IPO11: variants seen among roughly 807,000 people sequenced by gnomAD.
IPO11 encodes the protein importin 11.
Under a neutral mutation model 143.2 loss-of-function variants are expected in IPO11, and 66 were observed. The observed-to-expected ratio is 0.46, with a 90% CI of 0.38 to 0.57. The LOEUF (loss-of-function observed/expected upper bound fraction) is 0.57. IPO11 is among the 20% of genes least tolerant of loss of function. The pLI is 0.00. For missense variants in IPO11, 1,026 were observed against 1,141.0 expected, an observed-to-expected ratio of 0.90 and a Z score of 1.45; for synonymous variants, 385 against 377.8, an observed-to-expected ratio of 1.02 and a Z score of -0.22.
chr5:62,547,517 G>C (rs1027762084), intron 24 of IPO11, among the ~76,000 whole-genome samples: 1 of 152,022 alleles, frequency 6.6e-6, no homozygotes, highest in Non-Finnish European at 1.5e-5. Flanking sequence ...TCTTGATTCT[G>C]TCCCATACCC....
intron 27 of IPO11, among the ~76,000 whole-genome samples, chr5:62,573,085 C>T (rs918316992): frequency 1.3e-5 from 2 of 149,282 alleles, no homozygotes; most frequent in Non-Finnish European, 3.0e-5. Context: ...TTCACACTGT[C>T]GCCCAGGCTG....
At chr5:62,471,511 C>G (rs1351324563) in intron 7 of IPO11, among the ~76,000 whole-genome samples, 3 of 152,046 alleles carry the variant, frequency 2.0e-5, no homozygotes, top group Non-Finnish European at 4.4e-5. Flanking sequence ...CATAATCTTA[C>G]TCTTCAGAGA....
chr5:62,553,051 A>T (rs1743443711), intron 26 of IPO11, among the ~76,000 whole-genome samples: 1 of 152,162 alleles, frequency 6.6e-6, no homozygotes, highest in Non-Finnish European at 1.5e-5. Flanking sequence ...ACTAGAACTT[A>T]TTCCTCCTAT....
chr5:62,568,445 A>C (rs1040325969), intron 27 of IPO11, among the ~76,000 whole-genome samples: 5 of 151,338 alleles, frequency 3.3e-5, no homozygotes, highest in Admixed American at 1.3e-4. Flanking sequence ...GTGGTGGTGC[A>C]CACCTGTAAT....
rs1746046603 is a variant in IPO11 at position 62,614,344 on chromosome 5, GAGGA to G, written c.2763+12501_2763+12504del. On this transcript the variant is annotated intron_variant, in intron 29 of 29. Coordinates refer to ENST00000325324, the MANE Select transcript of IPO11 (RefSeq NM_016338.5). ...GTAACTTTTACATACAGACAAAGAG[GAGGA>G]AGGATCTTTGTTTAATAGTGGTTCT... is the stretch of plus-strand genomic sequence containing the variant. Among the ~76,000 whole-genome samples, 3 of 152,236 alleles carry G rather than the reference GAGGA, an allele frequency of 2.0e-5. No homozygotes were observed. The South Asian group carries it at 6.2e-4, about 31-fold the overall frequency.
At chr5:62,485,775 A>G (rs1356121522) in intron 12 of IPO11, among the ~76,000 whole-genome samples, 1 of 151,650 alleles carries the variant, frequency 6.6e-6, no homozygotes, top group Non-Finnish European at 1.5e-5. Context: ...GTTTGAGCCC[A>G]GGAGGTTGAG....
At chr5:62,550,148 C>T (rs2112347441) in intron 24 of IPO11, among the ~76,000 whole-genome samples, 1 of 152,266 alleles carries the variant, frequency 6.6e-6, no homozygotes, top group East Asian at 1.9e-4. Flanking sequence ...AGATATATAG[C>T]TGTGTGTAAA....
rs1433873303 is a variant in IPO11 at position 62,419,268 on chromosome 5, AG to A, written c.-7+6340del. 11 of 829,866 alleles carry A rather than the reference AG, an allele frequency of 1.3e-5. No homozygotes were observed. In the East Asian group the frequency reaches 3.2e-4, roughly 24 times the overall value. 51.4% of individuals were successfully genotyped at this position (829,866 alleles called of 1,614,324 possible). On this transcript the variant is annotated intron_variant, in intron 1 of 29. Transcript: ENST00000325324. The stretch of plus-strand genomic sequence containing the variant: ...GACTGGAAATTGGTTTGGATGAATC[AG>A]TGAGTGAGTGGTGAGTGAAAGTGAA...
Position 62,530,743 on chromosome 5 carries a change from C to G in IPO11, c.2047C>G (p.Pro683Ala), listed in dbSNP as rs143933328. The G allele has an allele frequency of 2.5e-6, 4 of 1,612,874 alleles. No homozygotes were observed. In the African/African-American group the frequency reaches 5.3e-5, roughly 22 times the overall value. Residue 683 changes from proline (P) to alanine (A), a missense_variant, in exon 22 of 30, where the codon CCA (proline) becomes GCA (alanine). Physicochemically the swap from Pro to Ala is conservative, Grantham distance 27. Transcript: ENST00000325324. The part of the protein sequence containing the change: ...VTLENSPCIT[P>A]ELLRIFQNMS... ...TTTGGAAAACAGTCCATGTATTACA[C>G]CAGAGTTGCTTCGTATATTTCAGAA...
intron 1 of IPO11, among the ~76,000 whole-genome samples, chr5:62,424,382 G>A (rs910882351): frequency 2.6e-5 from 4 of 151,810 alleles, no homozygotes; most frequent in Non-Finnish European, 5.9e-5. Context: ...CTCGTGATCC[G>A]CCCGCCGGGG....
At chr5:62,415,338 A>G (rs1743253851) in intron 1 of IPO11, among the ~76,000 whole-genome samples, 1 of 147,454 alleles carries the variant, frequency 6.8e-6, no homozygotes, top group Admixed American at 6.8e-5. Context: ...TAATTTTTGT[A>G]TTTTTAGTAG....
intron 26 of IPO11, among the ~76,000 whole-genome samples, chr5:62,559,936 AAAAAAAG>A (rs1253188064): frequency 7.8e-5 from 11 of 141,868 alleles, no homozygotes; most frequent in Admixed American, 2.2e-4. Flanking sequence ...AAAAAAAAAA[AAAAAAAG>A]AGAGAGAAAA....
At chr5:62,531,726 C>T (rs1408811991) in intron 22 of IPO11, among the ~76,000 whole-genome samples, 1 of 152,148 alleles carries the variant, frequency 6.6e-6, no homozygotes, top group Non-Finnish European at 1.5e-5. Context: ...ATCATTTTCT[C>T]GCCTTATTTG....
chr5:62,562,746 A>G (rs1262992222), intron 27 of IPO11, among the ~76,000 whole-genome samples: 2 of 152,108 alleles, frequency 1.3e-5, no homozygotes, highest in Non-Finnish European at 2.9e-5. Flanking sequence ...AGAAGTCCTT[A>G]TTTGTTCTTT....
chr5:62,581,356 T>G, intron 27 of IPO11: 1 of 1,350,626 alleles, frequency 7.4e-7, no homozygotes, highest in Non-Finnish European at 9.8e-7. Context: ...GGACATGATT[T>G]AAACTGAAAC....
chr5:62,424,060 C>T (rs1407124948), intron 1 of IPO11, among the ~76,000 whole-genome samples: 2 of 151,788 alleles, frequency 1.3e-5, no homozygotes, highest in African/African-American at 4.8e-5. Flanking sequence ...ACTCTGTTGC[C>T]CAGACTGGAG....
intron 1 of IPO11, among the ~76,000 whole-genome samples, chr5:62,435,054 A>ATATATATGTG (rs1561308622): frequency 8.3e-5 from 9 of 108,182 alleles, no homozygotes; most frequent in East Asian, 2.4e-4. Flanking sequence ...ATATGTGTAT[A>ATATATATGTG]TATATATGTA....
At chr5:62,495,611 A>G (rs182232167) in intron 16 of IPO11, among the ~76,000 whole-genome samples, 333 of 152,138 alleles carry the variant, frequency 2.2e-3, no homozygotes, top group African/African-American at 7.5e-3. Context: ...GGTATCTGGG[A>G]CTATATGCAC....
intron 27 of IPO11, among the ~76,000 whole-genome samples, chr5:62,591,091 C>T (rs1744994067): frequency 1.3e-5 from 2 of 152,072 alleles, no homozygotes; most frequent in African/African-American, 4.8e-5. Context: ...CACCACTGCA[C>T]CTGATGCCTA....
Sources: gnomAD v4.1 joint callset for allele counts (sites outside exome capture counted in the v4.1 genomes callset) on GRCh38, gnomAD v4.1.1 for gene constraint, MANE v1.5 for transcripts, NCBI Gene and HGNC (gene_info 2026-07-23, HGNC 2026-07-21) for gene names.